Variants in FOXP1 observed in about 807,000 individuals in gnomAD.
The protein encoded by FOXP1 is forkhead box protein P1.
A neutral mutation model predicts 98.2 loss-of-function variants in FOXP1; 15 were observed. That is an observed-to-expected ratio of 0.15 (90% confidence interval 0.10 to 0.24). The LOEUF (loss-of-function observed/expected upper bound fraction) is 0.24. FOXP1 is among the 10% of genes least tolerant of loss of function. FOXP1 has a pLI of 1.00. For missense variants in FOXP1, 633 were observed against 848.5 expected, an observed-to-expected ratio of 0.75 and a Z score of 3.15; for synonymous variants, 371 against 314.5, an observed-to-expected ratio of 1.18 and a Z score of -1.90.
chr3:71,175,312 T>G (rs1576209033), intron 6 of FOXP1, among the ~76,000 whole-genome samples: 2 of 152,230 alleles, frequency 1.3e-5, no homozygotes, highest in Non-Finnish European at 2.9e-5. Flanking sequence ...GAGCTTGACT[T>G]ACTTCTTTGG....
chr3:71,142,706 C>T (rs80013057), intron 6 of FOXP1, among the ~76,000 whole-genome samples: 3,134 of 152,258 alleles, frequency 0.021, 54 homozygotes, highest in East Asian at 0.11. Flanking sequence ...AGCCTCTTGA[C>T]GAGGAATCAG....
intron 14 of FOXP1, among the ~76,000 whole-genome samples, chr3:70,979,424 T>G (rs567900193): frequency 5.3e-5 from 8 of 151,946 alleles, no homozygotes; most frequent in African/African-American, 1.9e-4. Flanking sequence ...CCCCAAAATT[T>G]GTTGCAACAG....
At chr3:71,211,768 T>G (rs1186189839) in intron 5 of FOXP1, among the ~76,000 whole-genome samples, 1 of 152,208 alleles carries the variant, frequency 6.6e-6, no homozygotes, top group Non-Finnish European at 1.5e-5. Flanking sequence ...TGTGGCATCT[T>G]AGTGGACACC....
intron 4 of FOXP1, among the ~76,000 whole-genome samples, chr3:71,324,138 A>G (rs1324993119): frequency 1.3e-5 from 2 of 152,114 alleles, no homozygotes; most frequent in Non-Finnish European, 2.9e-5. Context: ...TTATTCAGAA[A>G]ATATAGATTC....
intron 1 of FOXP1, chr3:71,581,960 G>A: frequency 1.1e-6 from 1 of 915,614 alleles, no homozygotes; most frequent in Non-Finnish European, 1.3e-6. Flanking sequence ...CAACAAAAAG[G>A]AGGGGGGAGG....
chr3:71,445,319 C>A (rs1178816968), intron 3 of FOXP1, among the ~76,000 whole-genome samples: 3 of 152,178 alleles, frequency 2.0e-5, no homozygotes, highest in African/African-American at 7.2e-5. Flanking sequence ...AAACGAGTGC[C>A]ACACACATCT....
chr3:71,120,692 C>T (rs907191875), intron 6 of FOXP1, among the ~76,000 whole-genome samples: 4 of 152,134 alleles, frequency 2.6e-5, no homozygotes, highest in African/African-American at 7.2e-5. Flanking sequence ...GTCATCTCTG[C>T]GTGGGGACGG....
chr3:71,453,761 G>T (rs1296461988), intron 3 of FOXP1, among the ~76,000 whole-genome samples: 1 of 152,144 alleles, frequency 6.6e-6, no homozygotes, highest in African/African-American at 2.4e-5. Context: ...CTTTCAAAGA[G>T]CCCAAGAGTA....
intron 5 of FOXP1, among the ~76,000 whole-genome samples, chr3:71,281,356 T>A (rs2071544245): frequency 6.6e-6 from 1 of 152,164 alleles, no homozygotes. Flanking sequence ...CAGATAATAA[T>A]GGGGTCAAGG....
intron 11 of FOXP1, among the ~76,000 whole-genome samples, chr3:71,039,609 T>C (rs534381797): frequency 3.3e-5 from 5 of 152,262 alleles, no homozygotes; most frequent in East Asian, 1.9e-4. Context: ...TTTCAGTGTA[T>C]GGCCTCCTGC....
intron 5 of FOXP1, among the ~76,000 whole-genome samples, chr3:71,287,731 G>C (rs1248031558): frequency 6.6e-6 from 1 of 151,818 alleles, no homozygotes; most frequent in Non-Finnish European, 1.5e-5. Context: ...AGTGAGCTGA[G>C]GTCGTGCCAC....
chr3:70,972,942 A>G (rs1391767595), intron 17 of FOXP1, among the ~76,000 whole-genome samples: 2 of 152,082 alleles, frequency 1.3e-5, no homozygotes, highest in Non-Finnish European at 2.9e-5. Context: ...TATGCATACA[A>G]GCCCAAAATA....
chr3:71,264,651 G>T (rs974213744), intron 5 of FOXP1, among the ~76,000 whole-genome samples: 3 of 152,110 alleles, frequency 2.0e-5, no homozygotes, highest in Non-Finnish European at 2.9e-5. Context: ...GAGGTTCCCA[G>T]CATCCTTGTC....
At chr3:71,136,102 A>G (rs1001797560) in intron 6 of FOXP1, among the ~76,000 whole-genome samples, 1 of 152,252 alleles carries the variant, frequency 6.6e-6, no homozygotes, top group Non-Finnish European at 1.5e-5. Context: ...ATATTCATTA[A>G]GTAGATTCAA....
chr3:71,476,593 C>T (rs1285031245), intron 3 of FOXP1, among the ~76,000 whole-genome samples: 5 of 151,830 alleles, frequency 3.3e-5, no homozygotes, highest in South Asian at 2.1e-4. Context: ...CAGGTTCAAG[C>T]GATTCTCCGG....
At chr3:71,512,766 T>C (rs778904753) in intron 2 of FOXP1, among the ~76,000 whole-genome samples, 5 of 152,212 alleles carry the variant, frequency 3.3e-5, no homozygotes, top group Non-Finnish European at 5.9e-5. Flanking sequence ...TCCCACATCC[T>C]GGTGCCGTCA....
intron 6 of FOXP1, among the ~76,000 whole-genome samples, chr3:71,142,986 G>A (rs912637253): frequency 6.6e-6 from 1 of 152,064 alleles, no homozygotes; most frequent in African/African-American, 2.4e-5. Context: ...GCAGGGCAGG[G>A]CAGGGCTTGC....
At chr3:71,555,435 G>C (rs546469963) in intron 2 of FOXP1, among the ~76,000 whole-genome samples, 1 of 152,300 alleles carries the variant, frequency 6.6e-6, no homozygotes, top group African/African-American at 2.4e-5. Context: ...AGACCATGAA[G>C]AAATAGGAAC....
chr3:71,064,186 T>G (rs755539339), intron 7 of FOXP1, among the ~76,000 whole-genome samples: 1 of 152,168 alleles, frequency 6.6e-6, no homozygotes, highest in African/African-American at 2.4e-5. Context: ...TGGGGCTCTG[T>G]GCCTCTCCCT....
Sources: gnomAD v4.1 joint callset for allele counts (sites outside exome capture counted in the v4.1 genomes callset) on GRCh38, gnomAD v4.1.1 for gene constraint, MANE v1.5 for transcripts, NCBI Gene and HGNC (gene_info 2026-07-23, HGNC 2026-07-21) for gene names.